Variants in BLK observed in about 807,000 individuals in gnomAD.
BLK encodes tyrosine-protein kinase Blk.
Under a neutral mutation model 61.8 loss-of-function variants are expected in BLK, and 64 were observed. That is an observed-to-expected ratio of 1.03 (90% CI 0.85 to 1.27). BLK has a LOEUF of 1.27. BLK is among the 50% of genes most tolerant of loss of function. BLK has a pLI of 0.00. For missense variants in BLK, 853 were observed against 660.5 expected (o/e 1.29, Z -3.19); for synonymous variants, 351 against 272.0 (o/e 1.29, Z -2.86).
chr8:11,541,373 A>G (rs538688256), intron 1 of BLK, among the ~76,000 whole-genome samples: 1 of 152,368 alleles, frequency 6.6e-6, no homozygotes, highest in Non-Finnish European at 1.5e-5. Flanking sequence ...TCAATAACAG[A>G]AAATTTACCA....
intron 8 of BLK, 90 bp from the exon 9 acceptor site, chr8:11,556,568 A>T: frequency 1.3e-6 from 2 of 1,511,014 alleles, no homozygotes; most frequent in Non-Finnish European, 1.8e-6. Context: ...ATGGGGTGGC[A>T]CCTGGGCACT....
rs150799217 is a variant in BLK, at chr8:11,563,007, C to T, written c.1209C>T (p.Ala403=). 17 of 1,614,138 alleles carry T rather than the reference C, an allele frequency of 1.1e-5. No individual in the cohort carries two copies. The highest frequency in any genetic ancestry group is 3.3e-4 in the Middle Eastern group (2 of 6,062). The part of the protein sequence containing the change: ...EGAKFPIKWT[A]PEAIHFGVFT... Reference sequence around the variant, plus strand: ...CCAAGTTCCCCATCAAGTGGACAGCCCCGGAAGCCATCCACTTCGGGGTCT... The same window carrying T: ...CCAAGTTCCCCATCAAGTGGACAGCTCCGGAAGCCATCCACTTCGGGGTCT... The change falls in exon 12 of 13, where the codon GCC becomes GCT. Residue 403 remains alanine (A), a synonymous_variant. Coordinates refer to ENST00000259089, the MANE Select transcript of BLK (RefSeq NM_001715.3).
chr8:11,511,179 G>A (rs536803062), intron 1 of BLK, among the ~76,000 whole-genome samples: 6 of 152,208 alleles, frequency 3.9e-5, no homozygotes, highest in Non-Finnish European at 8.8e-5. Flanking sequence ...CCACCCAACG[G>A]AGTGGGAGAC....
intron 1 of BLK, 97 bp from the exon 2 acceptor site, chr8:11,543,127 C>G (rs1800462004): frequency 2.5e-6 from 4 of 1,595,110 alleles, no homozygotes; most frequent in Non-Finnish European, 3.4e-6. Context: ...CCCCACCTTT[C>G]TAACCAGCCT....
At chr8:11,533,042 A>G (rs1799954318) in intron 1 of BLK, among the ~76,000 whole-genome samples, 1 of 152,238 alleles carries the variant, frequency 6.6e-6, no homozygotes, top group Non-Finnish European at 1.5e-5. Context: ...CATGCAGTAA[A>G]ATGCCCAGCC....
intron 1 of BLK, among the ~76,000 whole-genome samples, chr8:11,538,192 A>T (rs1287240709): frequency 6.6e-6 from 1 of 151,844 alleles, no homozygotes; most frequent in Non-Finnish European, 1.5e-5. Flanking sequence ...TTCCTCTCCC[A>T]CTCTCTCACA....
chr8:11,546,145 T>G (rs757062096), intron 3 of BLK, 42 bp downstream of exon 3: 1 of 1,608,052 alleles, frequency 6.2e-7, no homozygotes. Flanking sequence ...CACAGCCCTC[T>G]CCCCTAGGTG....
Position 11,564,242 on chromosome 8 carries a change from C to A in BLK, c.*134C>A. 1 of 1,107,822 alleles carries A rather than the reference C, an allele frequency of 9.0e-7. No individual in the cohort carries two copies. The highest frequency in any genetic ancestry group is 1.3e-6 in the Non-Finnish European group (1 of 760,524). The allele number at this position is 1,107,822 out of a possible 1,614,324, so 68.6% of individuals were successfully genotyped here. A position where few individuals can be genotyped will look rare whatever the true frequency, so the allele number is the denominator to read the frequency against. On this transcript the variant is annotated 3_prime_UTR_variant, in exon 13 of 13. Coordinates refer to ENST00000259089, the MANE Select transcript of BLK (RefSeq NM_001715.3). ...AGACCCGGAATCCAGTGGGCAGAGGCAGCTTCGCAGGGGGTCCCCGGACGG... is the reference window on the plus strand; with the variant it reads ...AGACCCGGAATCCAGTGGGCAGAGGAAGCTTCGCAGGGGGTCCCCGGACGG...
intron 1 of BLK, chr8:11,509,455 A>G (rs1389776555): frequency 1.3e-5 from 2 of 152,218 alleles, no homozygotes; most frequent in Non-Finnish European, 2.9e-5. Flanking sequence ...AGCTTCCATG[A>G]GCCAGTCTCT....
chr8:11,548,393 C>G (rs1244530550), intron 4 of BLK, among the ~76,000 whole-genome samples: 3 of 152,238 alleles, frequency 2.0e-5, no homozygotes, highest in Non-Finnish European at 4.4e-5. Context: ...CCTCCTGACT[C>G]TTTTGGGCAT....
chr8:11,541,906 C>G (rs1430858801), intron 1 of BLK, among the ~76,000 whole-genome samples: 1 of 152,158 alleles, frequency 6.6e-6, no homozygotes, highest in East Asian at 1.9e-4. Context: ...CTGATCTGAG[C>G]TCACATAAAG....
At position 11,534,747 on chromosome 8, in the gene BLK, C is replaced by A. The variant is rs79563211; in HGVS notation, c.-1-8477C>A. 6.2e-4 allele frequency among the ~76,000 whole-genome samples: 94 copies of A among 152,306 alleles called. 1 individual carries two copies. The East Asian group carries it at 0.017, about 27-fold the overall frequency. ...ACCTAAAAGTCACAGGTTGGCATTG[C>A]TAGGTCAGCCTTTTGCAGGGGCCAC... On this transcript the variant is annotated intron_variant, in intron 1 of 12. Transcript: ENST00000259089.
At chr8:11,504,896 T>A (rs568433065) in intron 1 of BLK, among the ~76,000 whole-genome samples, 1 of 152,306 alleles carries the variant, frequency 6.6e-6, no homozygotes, top group Non-Finnish European at 1.5e-5. Flanking sequence ...TGTGGCCATG[T>A]TTCAGGCAAG....
At chr8:11,499,213 A>G (rs1458780747) in intron 1 of BLK, among the ~76,000 whole-genome samples, 1 of 152,230 alleles carries the variant, frequency 6.6e-6, no homozygotes, top group East Asian at 1.9e-4. Context: ...TACTGCCTGC[A>G]GTATTTAGTA....
intron 1 of BLK, among the ~76,000 whole-genome samples, chr8:11,535,692 G>A (rs755506982): frequency 1.3e-5 from 2 of 152,176 alleles, no homozygotes; most frequent in Non-Finnish European, 2.9e-5. Flanking sequence ...CCTGAGCCTC[G>A]ACCTATCTTA....
At chr8:11,549,176 C>T in intron 5 of BLK, 54 bp downstream of exon 5, 2 of 1,498,742 alleles carry the variant, frequency 1.3e-6, no homozygotes, top group Non-Finnish European at 9.1e-7. Context: ...TGTTTCTGCT[C>T]CCTGGGCTGT....
At chr8:11,520,036 G>T (rs189862099) in intron 1 of BLK, among the ~76,000 whole-genome samples, 1 of 152,132 alleles carries the variant, frequency 6.6e-6, no homozygotes, top group Non-Finnish European at 1.5e-5. Flanking sequence ...TTTATCAAAA[G>T]ATTAGTAGTC....
At chr8:11,549,215 AC>A in intron 5 of BLK, 93 bp downstream of exon 5, 2 of 1,176,516 alleles carry the variant, frequency 1.7e-6, no homozygotes, top group Non-Finnish European at 2.5e-6. Context: ...AGTGGGACTG[AC>A]CAGGGAGCCT....
In BLK at chr8:11,556,504, G is replaced by C. The variant is rs11250147; in HGVS notation, c.773-154G>C. 387,349 of 867,994 alleles carry C rather than the reference G, an allele frequency of 0.45. 93,347 individuals are homozygous for C. Among genetic ancestry groups the C allele is most frequent in the East Asian group, 0.9 (34,408 of 38,024 alleles). The allele number at this position is 867,994 out of a possible 1,614,324, so 53.8% of individuals were successfully genotyped here. A position where few individuals can be genotyped will look rare whatever the true frequency, so the allele number is the denominator to read the frequency against. On this transcript the variant is annotated intron_variant, in intron 8 of 12. Transcript: ENST00000259089. ...TAGAAGGGACCTGGAACGCAAGGTA[G>C]GCACCACACAACCATGGCCTCCGGA...
Sources: allele counts gnomAD v4.1 joint callset (sites outside exome capture counted in the v4.1 genomes callset), GRCh38; gene constraint gnomAD v4.1.1; transcripts MANE v1.5; gene names NCBI Gene and HGNC (gene_info 2026-07-23, HGNC 2026-07-21).